Variants in MAB21L2 observed in about 807,000 individuals in gnomAD.
MAB21L2 encodes protein mab-21-like 2.
Under a neutral mutation model 29.8 loss-of-function variants are expected in MAB21L2, and 15 were observed. The observed-to-expected ratio is 0.50, with a 90% CI of 0.34 to 0.78. The LOEUF (loss-of-function observed/expected upper bound fraction) is 0.78. Among genes scored for constraint, MAB21L2 ranks in the 30% least tolerant of loss-of-function variants. The pLI is 0.01. For synonymous variants in MAB21L2, 218 were observed against 210.4 expected (o/e 1.04, Z -0.31); for missense variants, 321 against 480.1 (o/e 0.67, Z 3.10).
In MAB21L2 at chr4:150,583,002, G is replaced by A. The variant is rs1771594408; in HGVS notation, c.-28G>A. ...ATCCCTCAACGTATTGCGAGACGCC[G>A]GTGTATAGCCCGGACCTGTGCCCCA... On this transcript the variant is annotated 5_prime_UTR_variant, in exon 1 of 1. Coordinates refer to ENST00000317605, the MANE Select transcript of MAB21L2 (RefSeq NM_006439.5). The surrounding 1 kb of genome is among the most constrained non-coding windows in gnomAD (Gnocchi z 9.8). The A allele has an allele frequency of 6.5e-7, 1 of 1,547,484 alleles. No individual in the cohort carries two copies. Among genetic ancestry groups the A allele is most frequent in the South Asian group, 1.2e-5 (1 of 80,080 alleles).
Position 150,584,471 on chromosome 4 carries a change from A to ACC in MAB21L2, c.*362_*363insCC, listed in dbSNP as rs1491018181. 1.3e-4 allele frequency: 5 copies of ACC among 37,922 alleles called. No homozygotes were observed. The highest frequency in any genetic ancestry group is 4.6e-4 in the African/African-American group (5 of 10,790). 2.3% of individuals were successfully genotyped at this position (37,922 alleles called of 1,614,324 possible). On this transcript the variant is annotated 3_prime_UTR_variant, in exon 1 of 1. Transcript: ENST00000317605. ...CCCCTATCCTTTTTCTCTCCACCCC[A>ACC]TCCCCCCCCCCATTTCGTTTTGCTT...
In MAB21L2 at chr4:150,583,281, C is replaced by A. The variant is rs931315948; in HGVS notation, c.252C>A (p.Gly84=). 60 of 1,614,198 alleles carry A rather than the reference C, an allele frequency of 3.7e-5. 1 individual carries two copies. The highest frequency in any genetic ancestry group is 5.0e-5 in the Non-Finnish European group (59 of 1,180,038). ...FEVVLYLNQM[G]VFNFVDDGSL... is the part of the protein sequence containing the mutation. ...TGGTGCTCTACCTAAACCAGATGGG[C>A]GTCTTCAACTTCGTGGACGACGGCT... Residue 84 remains glycine (G), a synonymous_variant, in exon 1 of 1, where the codon GGC becomes GGA. Transcript: ENST00000317605. This position sits in a 1 kb window ranked among gnomAD's most constrained non-coding sequence, Gnocchi z 9.8.
At position 150,583,908 on chromosome 4, in the gene MAB21L2, G is replaced by A; in HGVS notation, c.879G>A (p.Glu293=). Residue 293 remains glutamate (E), a synonymous_variant, in exon 1 of 1, where the codon GAG becomes GAA. Transcript: ENST00000317605. The surrounding 1 kb of genome is among the most constrained non-coding windows in gnomAD (Gnocchi z 9.8). ...EKHPRETDWD[E]SCLGDRLNGI... is the part of the protein sequence containing the mutation. ...ACCCACGAGAAACGGACTGGGACGA[G>A]TCGTGCCTGGGCGACCGGCTCAACG... 6.2e-7 allele frequency: 1 copy of A among 1,613,060 alleles called. No individual in the cohort carries two copies.
Position 150,583,624 on chromosome 4 carries a change from C to T in MAB21L2, c.595C>T (p.Arg199Trp), listed in dbSNP as rs1283728862. The T allele has an allele frequency of 6.2e-7, 1 of 1,613,804 alleles. No individual in the cohort carries two copies. Among genetic ancestry groups the T allele is most frequent in the South Asian group, 1.1e-5 (1 of 91,054 alleles). The part of the protein sequence containing the change: ...MPHIPWPGPN[R>W]VAEVKAEGFN... ...CCACATCCCTTGGCCCGGCCCCAATCGGGTGGCCGAGGTCAAGGCCGAAGG... is the reference window on the plus strand; with the variant it reads ...CCACATCCCTTGGCCCGGCCCCAATTGGGTGGCCGAGGTCAAGGCCGAAGG... The change falls in exon 1 of 1, where the codon CGG becomes TGG. Residue 199 changes from arginine (R) to tryptophan (W), a missense_variant. Arg to Trp is a moderately radical substitution (Grantham distance 101). Transcript: ENST00000317605. The surrounding 1 kb of genome is among the most constrained non-coding windows in gnomAD (Gnocchi z 9.8).
chr4:150,582,810 C>T lies in MAB21L2; in HGVS notation c.-220C>T. 2.0e-6 allele frequency: 1 copy of T among 490,522 alleles called. No homozygotes were observed. 30.4% of individuals were successfully genotyped at this position (490,522 alleles called of 1,614,324 possible). On this transcript the variant is annotated 5_prime_UTR_variant, in exon 1 of 1. Transcript: ENST00000317605. The stretch of plus-strand genomic sequence containing the variant: ...GAAAATCACCTTTTCTCCCCTAATT[C>T]TTCTGCAGAAGAAAAGAGGTTTCGA...
At position 150,583,735 on chromosome 4, in the gene MAB21L2, G is replaced by A; in HGVS notation, c.706G>A (p.Glu236Lys). The A allele has an allele frequency of 6.2e-7, 1 of 1,613,626 alleles. No individual in the cohort carries two copies. Among genetic ancestry groups the A allele is most frequent in the Non-Finnish European group, 8.5e-7 (1 of 1,179,834 alleles). ...ESDAWVLQFGEAENRLLMGGC... is the reference protein window; with the variant it reads ...ESDAWVLQFGKAENRLLMGGC... ...CGACGCCTGGGTGCTACAGTTCGGG[G>A]AGGCGGAGAACCGCCTGCTGATGGG... The change falls in exon 1 of 1, where the codon GAG (glutamate) becomes AAG (lysine). Residue 236 changes from glutamate (E) to lysine (K), a missense_variant. Coordinates refer to ENST00000317605, the MANE Select transcript of MAB21L2 (RefSeq NM_006439.5). This position sits in a 1 kb window ranked among gnomAD's most constrained non-coding sequence, Gnocchi z 9.8.
In MAB21L2 at chr4:150,582,919, G is replaced by GAGA; in HGVS notation, c.-111_-110insAGA. ...AACGAGAGTGAAAGTAGGGCTTAAC[G>GAGA]GGGAGCGCACCGCCTCTTTCGAAAG... On this transcript the variant is annotated 5_prime_UTR_variant, in exon 1 of 1. Transcript: ENST00000317605. 1 of 1,300,592 alleles carries GAGA rather than the reference G, an allele frequency of 7.7e-7. No individual in the cohort carries two copies. Among genetic ancestry groups the GAGA allele is most frequent in the Admixed American group, 2.3e-5 (1 of 42,768 alleles). The allele number at this position is 1,300,592 out of a possible 1,614,324, so 80.6% of individuals were successfully genotyped here.
In MAB21L2 at chr4:150,582,868, G is replaced by A; in HGVS notation, c.-162G>A. 1 of 716,960 alleles carries A rather than the reference G, an allele frequency of 1.4e-6. No individual in the cohort carries two copies. Among genetic ancestry groups the A allele is most frequent in the Non-Finnish European group, 2.2e-6 (1 of 459,028 alleles). 44.4% of individuals were successfully genotyped at this position (716,960 alleles called of 1,614,324 possible). ...AAAAGGAAAAAACAAGCCGGCTACG[G>A]TATCAGCCGGTCAGCCCAGGTGGAA... On this transcript the variant is annotated 5_prime_UTR_variant, in exon 1 of 1. Transcript: ENST00000317605.
In MAB21L2 at chr4:150,584,471, A is replaced by AC. The variant is rs1491018181; in HGVS notation, c.*362_*363insC. 5.3e-5 allele frequency: 2 copies of AC among 37,926 alleles called. No individual in the cohort carries two copies. Among genetic ancestry groups the AC allele is most frequent in the African/African-American group, 1.9e-4 (2 of 10,794 alleles). 2.3% of individuals were successfully genotyped at this position (37,926 alleles called of 1,614,324 possible). On this transcript the variant is annotated 3_prime_UTR_variant, in exon 1 of 1. Coordinates refer to ENST00000317605, the MANE Select transcript of MAB21L2 (RefSeq NM_006439.5). ...CCCCTATCCTTTTTCTCTCCACCCC[A>AC]TCCCCCCCCCCATTTCGTTTTGCTT...
Position 150,584,081 on chromosome 4 carries a change from C to G in MAB21L2, c.1052C>G (p.Thr351Ser), listed in dbSNP as rs766732897. Reference sequence around the variant, plus strand: ...TGGAGGTTGGCCAGGGAAATTCTCACCAATCCCAAAAGCCTGGACAAACTA... The same window carrying G: ...TGGAGGTTGGCCAGGGAAATTCTCAGCAATCCCAAAAGCCTGGACAAACTA... ...QTWRLAREIL[T>S]NPKSLDKL Residue 351 changes from threonine (T) to serine (S), a missense_variant, in exon 1 of 1, where the codon ACC becomes AGC. Coordinates refer to ENST00000317605, the MANE Select transcript of MAB21L2 (RefSeq NM_006439.5). The G allele has an allele frequency of 6.4e-7, 1 of 1,555,594 alleles. No individual in the cohort carries two copies. Among genetic ancestry groups the G allele is most frequent in the Non-Finnish European group, 8.7e-7 (1 of 1,151,522 alleles).
At position 150,583,769 on chromosome 4, in the gene MAB21L2, G is replaced by T. The variant is rs587777514; in HGVS notation, c.740G>T (p.Arg247Leu). 5 of 1,614,058 alleles carry T rather than the reference G, an allele frequency of 3.1e-6. No individual in the cohort carries two copies. The highest frequency in any genetic ancestry group is 3.4e-6 in the Non-Finnish European group (4 of 1,180,000). The change falls in exon 1 of 1, where the codon CGA (arginine) becomes CTA (leucine). Residue 247 changes from arginine to leucine, a missense_variant. Transcript: ENST00000317605. The surrounding 1 kb of genome is among the most constrained non-coding windows in gnomAD (Gnocchi z 9.8). ...AENRLLMGGC[R>L]NKCLSVLKTL... ...AACCGCCTGCTGATGGGCGGCTGCC[G>T]AAACAAGTGCCTCTCAGTGCTGAAG...
Position 150,584,152 on chromosome 4 carries a change from C to G in MAB21L2, c.*43C>G, listed in dbSNP as rs1236735979. On this transcript the variant is annotated 3_prime_UTR_variant, in exon 1 of 1. Transcript: ENST00000317605. ...GAAAAGCGACACAAACGGGCGTGCTCTCTCAGACACACAACTCTGCTATAA... is the reference window on the plus strand; with the variant it reads ...GAAAAGCGACACAAACGGGCGTGCTGTCTCAGACACACAACTCTGCTATAA... 6 of 1,495,372 alleles carry G rather than the reference C, an allele frequency of 4.0e-6. No homozygotes were observed. The highest frequency in any genetic ancestry group is 5.3e-6 in the Non-Finnish European group (6 of 1,122,692). 92.6% of individuals were successfully genotyped at this position (1,495,372 alleles called of 1,614,324 possible).
rs376390010 is a variant in MAB21L2 at position 150,583,347 on chromosome 4, G to A, written c.318G>A (p.Arg106=). 1.2e-4 allele frequency: 186 copies of A among 1,614,112 alleles called. No homozygotes were observed. Among genetic ancestry groups the A allele is most frequent in the Non-Finnish European group, 1.5e-4 (178 of 1,180,058 alleles). The stretch of plus-strand genomic sequence containing the variant: ...CAGTGCTCAAACTGAGCGATGGGCG[G>A]AAGCGGAGCATGTCTCTCTGGGTCG... ...GCAVLKLSDG[R]KRSMSLWVEF... The change falls in exon 1 of 1, where the codon CGG becomes CGA. Residue 106 remains arginine, a synonymous_variant. Coordinates refer to ENST00000317605, the MANE Select transcript of MAB21L2 (RefSeq NM_006439.5). This position sits in a 1 kb window ranked among gnomAD's most constrained non-coding sequence, Gnocchi z 9.8.
Position 150,583,537 on chromosome 4 carries a change from A to G in MAB21L2, c.508A>G (p.Ile170Val). The G allele has an allele frequency of 6.2e-7, 1 of 1,613,860 alleles. No individual in the cohort carries two copies. Among genetic ancestry groups the G allele is most frequent in the Non-Finnish European group, 8.5e-7 (1 of 1,179,958 alleles). ...LRIRERYVVQ[I>V]TPAFKCTGIW... ...CATCAGGGAGCGCTATGTGGTGCAA[A>G]TCACTCCGGCGTTCAAGTGCACCGG... The change falls in exon 1 of 1, where the codon ATC (isoleucine) becomes GTC (valine). Residue 170 changes from isoleucine (I) to valine (V), a missense_variant. Transcript: ENST00000317605. The surrounding 1 kb of genome is among the most constrained non-coding windows in gnomAD (Gnocchi z 9.8).
rs1771683165 is a variant in MAB21L2 at position 150,583,548 on chromosome 4, G to A, written c.519G>A (p.Ala173=). The A allele has an allele frequency of 1.2e-6, 2 of 1,613,724 alleles. No individual in the cohort carries two copies. The highest frequency in any genetic ancestry group is 1.7e-5 in the Admixed American group (1 of 60,008). ...GCTATGTGGTGCAAATCACTCCGGC[G>A]TTCAAGTGCACCGGGATCTGGCCTC... ...RERYVVQITP[A]FKCTGIWPRS... is the part of the protein sequence containing the mutation. Residue 173 remains alanine, a synonymous_variant, in exon 1 of 1, where the codon GCG becomes GCA. Transcript: ENST00000317605. This position sits in a 1 kb window ranked among gnomAD's most constrained non-coding sequence, Gnocchi z 9.8.
rs746659080 is a variant in MAB21L2 at position 150,583,138 on chromosome 4, G to A, written c.109G>A (p.Val37Met). 2.5e-6 allele frequency: 4 copies of A among 1,614,232 alleles called. No individual in the cohort carries two copies. Among genetic ancestry groups the A allele is most frequent in the Admixed American group, 1.7e-5 (1 of 60,032 alleles). ...CAAAACCATCCGAGAGGTCTGTAAG[G>A]TGGTCTCGGACGTGCTCAAGGAAGT... ...IAKTIREVCK[V>M]VSDVLKEVEV... The change falls in exon 1 of 1, where the codon GTG becomes ATG. Residue 37 changes from valine to methionine, a missense_variant. Physicochemically the swap from Val to Met is conservative, Grantham distance 21 (BLOSUM62 1). Transcript: ENST00000317605. This position sits in a 1 kb window ranked among gnomAD's most constrained non-coding sequence, Gnocchi z 9.8.
rs772234837 is a variant in MAB21L2, at chr4:150,583,699, T to G, written c.670T>G (p.Ser224Ala). 7 of 1,613,390 alleles carry G rather than the reference T, an allele frequency of 4.3e-6. No homozygotes were observed. Among genetic ancestry groups the G allele is most frequent in the Non-Finnish European group, 5.1e-6 (6 of 1,179,842 alleles). Residue 224 changes from serine to alanine, a missense_variant, in exon 1 of 1, where the codon TCG (serine) becomes GCG (alanine). Transcript: ENST00000317605. The surrounding 1 kb of genome is among the most constrained non-coding windows in gnomAD (Gnocchi z 9.8). ...CTACTCGCTGACCGGCAAGCAGAGC[T>G]CGGCAGAGAGCGACGCCTGGGTGCT... Reference protein sequence around the residue: ...ECYSLTGKQSSAESDAWVLQF... With the variant: ...ECYSLTGKQSAAESDAWVLQF...
Position 150,584,590 on chromosome 4 carries a change from C to A in MAB21L2, c.*481C>A, listed in dbSNP as rs1163523796. 1 of 166,088 alleles carries A rather than the reference C, an allele frequency of 6.0e-6. No individual in the cohort carries two copies. Among genetic ancestry groups the A allele is most frequent in the Non-Finnish European group, 1.5e-5 (1 of 68,202 alleles). The allele number at this position is 166,088 out of a possible 1,614,324, so 10.3% of individuals were successfully genotyped here. A position where few individuals can be genotyped will look rare whatever the true frequency, so the allele number is the denominator to read the frequency against. The stretch of plus-strand genomic sequence containing the variant: ...AAAAGTTTTACTGATGTTAAACGTT[C>A]TCAGTGCCAATGTCAGACTGTGCTC... On this transcript the variant is annotated 3_prime_UTR_variant, in exon 1 of 1. Coordinates refer to ENST00000317605, the MANE Select transcript of MAB21L2 (RefSeq NM_006439.5).
Position 150,583,221 on chromosome 4 carries a change from G to C in MAB21L2, c.192G>C (p.Glu64Asp). Residue 64 changes from glutamate to aspartate, a missense_variant, in exon 1 of 1, where the codon GAG becomes GAC. Transcript: ENST00000317605. The surrounding 1 kb of genome is among the most constrained non-coding windows in gnomAD (Gnocchi z 9.8). ...TGAGCGAGATCGATGCCCGCTACGA[G>C]GGGCTCGAGGTCATTTCGCCCACCG... is the stretch of plus-strand genomic sequence containing the variant. The part of the protein sequence containing the change: ...SSLSEIDARY[E>D]GLEVISPTEF... The C allele has an allele frequency of 6.2e-7, 1 of 1,614,228 alleles. No homozygotes were observed. The highest frequency in any genetic ancestry group is 8.5e-7 in the Non-Finnish European group (1 of 1,180,046).
Sources: gnomAD v4.1 joint callset for allele counts on GRCh38, gnomAD v4.1.1 for gene constraint, Gnocchi (gnomAD v3.1) non-coding constraint, MANE v1.5 for transcripts, NCBI Gene and HGNC (gene_info 2026-07-23, HGNC 2026-07-21) for gene names.